The following ERBB4 variants were observed in gnomAD, a reference collection of about 807,000 sequenced individuals.
The protein encoded by ERBB4 is receptor tyrosine-protein kinase erbB-4.
In ERBB4, 42 loss-of-function variants were observed where a neutral mutation model predicts 158.0. The ratio of observed to expected loss-of-function variants is 0.27; its 90% CI spans 0.21 to 0.34. ERBB4 has a LOEUF of 0.34. ERBB4 is among the 10% of genes least tolerant of loss of function. The pLI is 1.00. For synonymous variants in ERBB4, 583 were observed against 558.7 expected (o/e 1.04, Z -0.61); for missense variants, 1,333 against 1,624.1 (o/e 0.82, Z 3.08).
intron 2 of ERBB4, among the ~76,000 whole-genome samples, chr2:212,109,264 A>G (rs2125536171): frequency 6.6e-6 from 1 of 152,260 alleles, no homozygotes; most frequent in East Asian, 1.9e-4. Context: ...TTCCCATCTA[A>G]CAAGGCACTC....
chr2:212,053,836 AG>A (rs763287454), intron 2 of ERBB4, among the ~76,000 whole-genome samples: 25 of 151,802 alleles, frequency 1.6e-4, no homozygotes, highest in Non-Finnish European at 3.4e-4. Flanking sequence ...ATTCTTCCAC[AG>A]GGTTTTTATG....
At chr2:212,001,174 T>C (rs2076094970) in intron 2 of ERBB4, among the ~76,000 whole-genome samples, 1 of 152,130 alleles carries the variant, frequency 6.6e-6, no homozygotes, top group South Asian at 2.1e-4. Flanking sequence ...TAAAGAGTTA[T>C]TAGCATGTTT....
chr2:212,180,290 C>T (rs1343228065), intron 1 of ERBB4, among the ~76,000 whole-genome samples: 3 of 151,586 alleles, frequency 2.0e-5, no homozygotes, highest in South Asian at 2.1e-4. Flanking sequence ...CCTGTCAATT[C>T]GGGATAAGCA....
At chr2:211,620,809 A>G (rs751854284) in intron 18 of ERBB4, among the ~76,000 whole-genome samples, 1 of 152,146 alleles carries the variant, frequency 6.6e-6, no homozygotes, top group Non-Finnish European at 1.5e-5. Context: ...AAGTATCCCT[A>G]AAGTGTAGTT....
At chr2:212,358,183 C>A (rs2089538981) in intron 1 of ERBB4, among the ~76,000 whole-genome samples, 1 of 151,816 alleles carries the variant, frequency 6.6e-6, no homozygotes, top group Non-Finnish European at 1.5e-5. Flanking sequence ...CTATTTAAAT[C>A]TTTCCTGAAG....
At chr2:212,479,623 T>C (rs1419887607) in intron 1 of ERBB4, among the ~76,000 whole-genome samples, 1 of 152,176 alleles carries the variant, frequency 6.6e-6, no homozygotes, top group African/African-American at 2.4e-5. Context: ...CTCACAATAT[T>C]AGGAAGTAAC....
At chr2:211,607,895 G>A (rs2069047842) in intron 19 of ERBB4, among the ~76,000 whole-genome samples, 3 of 136,532 alleles carry the variant, frequency 2.2e-5, no homozygotes, top group Admixed American at 7.8e-5. Context: ...TTTTAGACAG[G>A]GTCTCACTCT....
chr2:211,694,695 TAC>T (rs2072949562), intron 12 of ERBB4, among the ~76,000 whole-genome samples: 1 of 152,216 alleles, frequency 6.6e-6, no homozygotes, highest in Non-Finnish European at 1.5e-5. Flanking sequence ...TATTCAAAGT[TAC>T]ACACTTTATG....
chr2:212,022,771 AT>A (rs1486646691), intron 2 of ERBB4, among the ~76,000 whole-genome samples: 3 of 152,180 alleles, frequency 2.0e-5, no homozygotes, highest in Non-Finnish European at 4.4e-5. Flanking sequence ...TCAAAGTTTT[AT>A]TATAATGATA....
chr2:211,526,917 T>C (rs929969612), intron 20 of ERBB4, among the ~76,000 whole-genome samples: 3 of 151,826 alleles, frequency 2.0e-5, no homozygotes, highest in African/African-American at 7.3e-5. Flanking sequence ...GGAAAAAGAA[T>C]AAAAAACAAT....
intron 4 of ERBB4, among the ~76,000 whole-genome samples, chr2:211,767,554 C>T (rs2075581441): frequency 6.6e-6 from 1 of 152,172 alleles, no homozygotes; most frequent in African/African-American, 2.4e-5. Context: ...AATTGACTGA[C>T]AGTTCCATGT....
chr2:211,633,099 TTGAG>T (rs997110721), intron 16 of ERBB4, among the ~76,000 whole-genome samples: 1 of 152,114 alleles, frequency 6.6e-6, no homozygotes, highest in Non-Finnish European at 1.5e-5. Context: ...TTTTTATTAA[TTGAG>T]TATCATGAAA....
intron 1 of ERBB4, among the ~76,000 whole-genome samples, chr2:212,525,427 TGAGA>T (rs1306684450): frequency 6.6e-6 from 1 of 151,972 alleles, no homozygotes; most frequent in Non-Finnish European, 1.5e-5. Flanking sequence ...AATTCATGAA[TGAGA>T]ATTATTCTCT....
At chr2:212,223,410 CAA>C (rs2083369137) in intron 1 of ERBB4, among the ~76,000 whole-genome samples, 1 of 103,228 alleles carries the variant, frequency 9.7e-6, no homozygotes, top group Non-Finnish European at 1.9e-5. Flanking sequence ...ATATATTTAT[CAA>C]ATATATATAT....
At chr2:211,475,022 A>G (rs770250497) in intron 20 of ERBB4, among the ~76,000 whole-genome samples, 2 of 152,056 alleles carry the variant, frequency 1.3e-5, no homozygotes, top group East Asian at 3.9e-4. Context: ...AGGAAAATTT[A>G]AGAGGAGGGA....
intron 1 of ERBB4, among the ~76,000 whole-genome samples, chr2:212,293,647 A>T (rs2086288749): frequency 6.6e-6 from 1 of 152,036 alleles, no homozygotes; most frequent in Non-Finnish European, 1.5e-5. Flanking sequence ...CAGGAGATCA[A>T]GACCAGCCTG....
intron 2 of ERBB4, among the ~76,000 whole-genome samples, chr2:212,020,019 C>T (rs2076614354): frequency 1.3e-5 from 2 of 151,886 alleles, no homozygotes; most frequent in Admixed American, 1.3e-4. Flanking sequence ...AGTATAATTT[C>T]TAGAAACAGA....
intron 3 of ERBB4, among the ~76,000 whole-genome samples, chr2:211,798,039 T>C (rs1003083243): frequency 6.6e-6 from 1 of 152,078 alleles, no homozygotes; most frequent in Non-Finnish European, 1.5e-5. Flanking sequence ...CTCTATGTTT[T>C]ACATATACAT....
chr2:211,556,310 G>A (rs753079881), intron 20 of ERBB4, among the ~76,000 whole-genome samples: 12 of 152,122 alleles, frequency 7.9e-5, no homozygotes, highest in Non-Finnish European at 1.6e-4. Context: ...GACATTCAAA[G>A]ATATTTAGAC....
Sources: allele counts gnomAD v4.1 joint callset (sites outside exome capture counted in the v4.1 genomes callset), GRCh38; gene constraint gnomAD v4.1.1; transcripts MANE v1.5; gene names NCBI Gene and HGNC (gene_info 2026-07-23, HGNC 2026-07-21).